Variants in SPHKAP observed in about 807,000 individuals in gnomAD.
SPHKAP encodes SPHK1 interactor, AKAP domain containing.
SPHKAP carries 67 observed loss-of-function variants against 137.5 expected under a neutral mutation model. The ratio of observed to expected loss-of-function variants is 0.49; its 90% CI spans 0.40 to 0.60. The LOEUF (loss-of-function observed/expected upper bound fraction) is 0.60, where lower values mean the gene tolerates loss of function less well. SPHKAP is among the 20% of genes least tolerant of loss of function. The pLI is 0.00. For synonymous variants in SPHKAP, 813 were observed against 785.3 expected (o/e 1.04, Z -0.59); for missense variants, 2,097 against 2,069.3 (o/e 1.01, Z -0.26).
rs1215790751 is a variant in SPHKAP, at chr2:227,999,379, T to A, written c.4449-3685A>T. On this transcript the variant is annotated intron_variant, in intron 7 of 11. Transcript: ENST00000392056. The stretch of plus-strand genomic sequence containing the variant: ...GAGGCAGCATGGACTTAAATTCAAA[T>A]GAAAAAAAAGTTCATTGATGACAAA... Among the ~76,000 whole-genome samples the A allele has an allele frequency of 3.9e-5, 6 of 152,004 alleles. No homozygotes were observed. The South Asian group carries it at 1.0e-3, about 26-fold the overall frequency.
intron 7 of SPHKAP, among the ~76,000 whole-genome samples, chr2:228,005,405 T>TAG (rs2106188079): frequency 6.6e-6 from 1 of 152,372 alleles, no homozygotes; most frequent in African/African-American, 2.4e-5. Flanking sequence ...ATTTGCTTGG[T>TAG]AGATCTTCCT....
At chr2:228,038,588 A>C (rs2106254151) in intron 3 of SPHKAP, among the ~76,000 whole-genome samples, 1 of 152,350 alleles carries the variant, frequency 6.6e-6, no homozygotes, top group South Asian at 2.1e-4. Flanking sequence ...CAAATATGCC[A>C]AATGACCTAG....
intron 3 of SPHKAP, among the ~76,000 whole-genome samples, chr2:228,102,722 A>T (rs538344211): frequency 1.2e-4 from 18 of 151,874 alleles, no homozygotes; most frequent in Non-Finnish European, 2.6e-4. Context: ...GTTGTTTACT[A>T]AAAAAGTTCC....
At chr2:228,056,974 G>T (rs750657132) in intron 3 of SPHKAP, among the ~76,000 whole-genome samples, 7 of 152,220 alleles carry the variant, frequency 4.6e-5, no homozygotes, top group Non-Finnish European at 7.3e-5. Flanking sequence ...AATGGACTGA[G>T]AAAATTGCAT....
intron 1 of SPHKAP, among the ~76,000 whole-genome samples, chr2:228,147,494 TAATATA>T (rs1699808255): frequency 6.6e-6 from 1 of 152,198 alleles, no homozygotes; most frequent in African/African-American, 2.4e-5. Flanking sequence ...GACTGGCAGT[TAATATA>T]AATATGTCAA....
chr2:228,040,566 C>T (rs1695796674), intron 3 of SPHKAP, among the ~76,000 whole-genome samples: 1 of 152,050 alleles, frequency 6.6e-6, no homozygotes, highest in Non-Finnish European at 1.5e-5. Context: ...TAAGACTGTC[C>T]AGCTTCTCTT....
chr2:227,988,960 G>A (rs1383074702), intron 11 of SPHKAP, among the ~76,000 whole-genome samples: 1 of 152,178 alleles, frequency 6.6e-6, no homozygotes, highest in Non-Finnish European at 1.5e-5. Context: ...GGCATGAAGG[G>A]AAGTGTTAAT....
rs1480010255 is a variant in SPHKAP, at chr2:227,995,589, G to C, written c.4554C>G (p.Gly1518=). The change falls in exon 8 of 12, where the codon GGC becomes GGG. Residue 1518 remains glycine (G), a synonymous_variant. Transcript: ENST00000392056. ...NPPSSSEEST[G]SWTQLANEED... ...CCTCATTGGCAAGCTGGGTCCAGCTGCCTGTGCTCTCCTCGCTGCTGCTTG... is the reference window on the plus strand; with the variant it reads ...CCTCATTGGCAAGCTGGGTCCAGCTCCCTGTGCTCTCCTCGCTGCTGCTTG... 3 of 1,614,120 alleles carry C rather than the reference G, an allele frequency of 1.9e-6. No individual in the cohort carries two copies. The East Asian group carries it at 6.7e-5, about 36-fold the overall frequency.
intron 3 of SPHKAP, among the ~76,000 whole-genome samples, chr2:228,101,334 T>A (rs1039957357): frequency 6.6e-6 from 1 of 152,242 alleles, no homozygotes; most frequent in African/African-American, 2.4e-5. Flanking sequence ...TTAACATACA[T>A]GTACAATTTT....
chr2:228,151,431 T>G (rs968480719), intron 1 of SPHKAP, among the ~76,000 whole-genome samples: 1 of 152,106 alleles, frequency 6.6e-6, no homozygotes. Flanking sequence ...TGATTTATAG[T>G]CCTTTGGGTA....
chr2:228,014,387 G>T (rs1224381082), intron 7 of SPHKAP, among the ~76,000 whole-genome samples: 2 of 152,220 alleles, frequency 1.3e-5, no homozygotes, highest in African/African-American at 4.8e-5. Flanking sequence ...TAAAAAATTT[G>T]TAATTCTCCA....
chr2:228,017,658 G>A lies in SPHKAP; in HGVS notation c.3196C>T (p.Arg1066Trp), dbSNP rs763842306. Residue 1066 changes from arginine to tryptophan, a missense_variant, in exon 7 of 12, where the codon CGG (arginine) becomes TGG (tryptophan). By Grantham distance (101) the Arg-to-Trp change is moderately radical. Coordinates refer to ENST00000392056, the MANE Select transcript of SPHKAP (RefSeq NM_001142644.2). Reference protein sequence around the residue: ...DGMWQAQGYPRNRLLSGDRWS... With the variant: ...DGMWQAQGYPWNRLLSGDRWS... The stretch of plus-strand genomic sequence containing the variant: ...CTGTCGCCACTCAGTAACCGATTCC[G>A]GGGATAGCCCTGCGCCTGCCACATG... 38 of 1,613,852 alleles carry A rather than the reference G, an allele frequency of 2.4e-5. No individual in the cohort carries two copies. The highest frequency in any genetic ancestry group is 8.9e-5 in the East Asian group (4 of 44,876).
intron 3 of SPHKAP, among the ~76,000 whole-genome samples, chr2:228,082,486 A>G (rs1574832958): frequency 6.6e-6 from 1 of 152,206 alleles, no homozygotes; most frequent in Non-Finnish European, 1.5e-5. Flanking sequence ...AAGTGGGCAG[A>G]AAAATTCTCA....
chr2:228,141,973 C>T (rs1370912482), intron 1 of SPHKAP, among the ~76,000 whole-genome samples: 1 of 151,842 alleles, frequency 6.6e-6, no homozygotes, highest in Admixed American at 6.6e-5. Flanking sequence ...CAAATCCTTC[C>T]CTCTAGGGAT....
At chr2:228,091,681 C>G (rs758932099) in intron 3 of SPHKAP, among the ~76,000 whole-genome samples, 2 of 152,134 alleles carry the variant, frequency 1.3e-5, no homozygotes, top group African/African-American at 2.4e-5. Context: ...CTCGACATCA[C>G]TAAGGATCAG....
chr2:228,025,729 C>T (rs1400735733), intron 4 of SPHKAP, among the ~76,000 whole-genome samples: 1 of 152,156 alleles, frequency 6.6e-6, no homozygotes, highest in African/African-American at 2.4e-5. Context: ...GCTTCAAAAA[C>T]TCTTTAGTTC....
chr2:228,155,632 T>C (rs13007222), intron 1 of SPHKAP, among the ~76,000 whole-genome samples: 56,337 of 151,866 alleles, frequency 0.37, 11,189 homozygotes, highest in East Asian at 0.67. Flanking sequence ...GCCATTGGCA[T>C]AGCAGGTTTA....
chr2:228,104,057 T>G (rs1049378545), intron 3 of SPHKAP, among the ~76,000 whole-genome samples: 2 of 151,920 alleles, frequency 1.3e-5, no homozygotes, highest in African/African-American at 4.8e-5. Flanking sequence ...CATTGCAATT[T>G]TTCAGTAAGT....
intron 3 of SPHKAP, among the ~76,000 whole-genome samples, chr2:228,034,772 A>G (rs1047849291): frequency 6.6e-6 from 1 of 152,258 alleles, no homozygotes; most frequent in Non-Finnish European, 1.5e-5. Flanking sequence ...AGAACCAAAG[A>G]TGAAAACTAC....
Sources: gnomAD v4.1 joint callset for allele counts (sites outside exome capture counted in the v4.1 genomes callset) on GRCh38, gnomAD v4.1.1 for gene constraint, MANE v1.5 for transcripts, NCBI Gene and HGNC (gene_info 2026-07-23, HGNC 2026-07-21) for gene names.